The following LIN7B variants were observed in gnomAD, a reference collection of about 807,000 sequenced individuals.
The protein encoded by LIN7B is protein lin-7 homolog B.
A neutral mutation model predicts 27.9 loss-of-function variants in LIN7B; 16 were observed. The ratio of observed to expected loss-of-function variants is 0.57; its 90% CI spans 0.39 to 0.87. The LOEUF is 0.87. Ranked by LOEUF, LIN7B falls within the 40% of genes least tolerant of loss-of-function variation. The pLI is 0.00. For synonymous variants in LIN7B, 147 were observed against 120.8 expected, an observed-to-expected ratio of 1.22 and a Z score of -1.42; for missense variants, 291 against 288.5, an observed-to-expected ratio of 1.01 and a Z score of -0.06.
rs912474854 is a variant in LIN7B, at chr19:49,115,241, C to T, written c.157-19C>T. The T allele has an allele frequency of 5.8e-6, 9 of 1,546,282 alleles. No individual in the cohort carries two copies. Among genetic ancestry groups the T allele is most frequent in the Non-Finnish European group, 7.9e-6 (9 of 1,143,462 alleles). On this transcript the variant is annotated intron_variant, in intron 2 of 5. Coordinates refer to ENST00000221459, the MANE Select transcript of LIN7B (RefSeq NM_022165.3). ...TGGAGGAGCTGGCGACTCCCTGATG[C>T]CGCTGCCTCCTCACCCAGGTGTATG...
intron 2 of LIN7B, 27 bp downstream of exon 2, chr19:49,114,994 G>T: frequency 7.4e-7 from 1 of 1,348,068 alleles, no homozygotes. Flanking sequence ...GCAGGGGCGC[G>T]AGCTGGTGGC....
At chr19:49,118,074 G>T (rs768023773) in intron 5 of LIN7B, 56 bp downstream of exon 5, 2 of 1,600,500 alleles carry the variant, frequency 1.2e-6, no homozygotes, top group Non-Finnish European at 1.7e-6. Context: ...TTTAACCCCA[G>T]GCTCCCAAAC....
chr19:49,117,950 G>A lies in LIN7B; in HGVS notation c.534G>A (p.Leu178=), dbSNP rs2122474367. The A allele has an allele frequency of 6.2e-7, 1 of 1,614,118 alleles. No homozygotes were observed. Among genetic ancestry groups the A allele is most frequent in the Non-Finnish European group, 8.5e-7 (1 of 1,179,986 alleles). Residue 178 remains leucine (L), a synonymous_variant, in exon 5 of 6, where the codon CTG becomes CTA. Coordinates refer to ENST00000221459, the MANE Select transcript of LIN7B (RefSeq NM_022165.3). ...KLVVRYTPRV[L]EEMEARFEKM... is the part of the protein sequence containing the mutation. ...TTGTCCGTTACACACCGCGAGTGCT[G>A]GAGGAGATGGAGGCCCGGTTCGAGA...
intron 3 of LIN7B, 157 bp from the exon 4 acceptor site, chr19:49,116,106 G>A: frequency 1.6e-6 from 1 of 608,178 alleles, no homozygotes; most frequent in Non-Finnish European, 2.9e-6. Context: ...GAGACGCACA[G>A]TCATTACAGG....
chr19:49,118,034 A>T lies in LIN7B; in HGVS notation c.602+16A>T. On this transcript the variant is annotated intron_variant, in intron 5 of 5. Transcript: ENST00000221459. Reference sequence around the variant, plus strand: ...AGAGCTACTCGTGAGCCCCTGGGTCACCACACCCCTGGGGCCTCCACGGGC... The same window carrying T: ...AGAGCTACTCGTGAGCCCCTGGGTCTCCACACCCCTGGGGCCTCCACGGGC... 6.2e-7 allele frequency: 1 copy of T among 1,613,516 alleles called. No homozygotes were observed. Among genetic ancestry groups the T allele is most frequent in the Non-Finnish European group, 8.5e-7 (1 of 1,179,822 alleles).
Position 49,116,510 on chromosome 19 carries a change from C to T in LIN7B, c.438+38C>T, listed in dbSNP as rs764887238. On this transcript the variant is annotated intron_variant, in intron 4 of 5. Transcript: ENST00000221459. ...CTGAGGCAGGACTGGGGGACACAGTCTGTCTAACGTAGCATAGCCCCTGCT... is the reference window on the plus strand; with the variant it reads ...CTGAGGCAGGACTGGGGGACACAGTTTGTCTAACGTAGCATAGCCCCTGCT... 35 of 1,571,306 alleles carry T rather than the reference C, an allele frequency of 2.2e-5. No individual in the cohort carries two copies. In the South Asian group the frequency reaches 3.4e-4, roughly 15 times the overall value.
At position 49,117,885 on chromosome 19, in the gene LIN7B, G is replaced by A; in HGVS notation, c.469G>A (p.Val157Met). The A allele has an allele frequency of 6.2e-7, 1 of 1,613,300 alleles. No individual in the cohort carries two copies. Among genetic ancestry groups the A allele is most frequent in the Non-Finnish European group, 8.5e-7 (1 of 1,179,760 alleles). The part of the protein sequence containing the change: ...SVEGEQHEKA[V>M]ELLKAAQGSV... The stretch of plus-strand genomic sequence containing the variant: ...TGAGGGTGAGCAGCATGAGAAGGCG[G>A]TGGAGCTGCTGAAGGCGGCCCAGGG... The change falls in exon 5 of 6, where the codon GTG (valine) becomes ATG (methionine). Residue 157 changes from valine to methionine, a missense_variant. Transcript: ENST00000221459.
chr19:49,118,289 C>G, intron 5 of LIN7B, 63 bp from the exon 6 acceptor site: 1 of 1,582,352 alleles, frequency 6.3e-7, no homozygotes, highest in Non-Finnish European at 8.7e-7. Context: ...CAACCCCAGT[C>G]CTGCCCCTCT....
In LIN7B at chr19:49,116,450, A is replaced by G. The variant is rs780048362; in HGVS notation, c.416A>G (p.Gln139Arg). ...CATGGAGGCCTCAAGCGTGGGGATC[A>G]ACTGTTGTCGGTGAACGGTGTGGTG... ...DRHGGLKRGD[Q>R]LLSVNGVSVE... is the part of the protein sequence containing the mutation. Residue 139 changes from glutamine to arginine, a missense_variant, in exon 4 of 6, where the codon CAA becomes CGA. By Grantham distance (43) the Gln-to-Arg change is conservative. Coordinates refer to ENST00000221459, the MANE Select transcript of LIN7B (RefSeq NM_022165.3). The G allele has an allele frequency of 1.9e-6, 3 of 1,614,018 alleles. No individual in the cohort carries two copies. The African/African-American group carries it at 4.0e-5, about 22-fold the overall frequency.
chr19:49,118,342 C>G lies in LIN7B; in HGVS notation c.603-10C>G, dbSNP rs774631575. 5 of 1,614,174 alleles carry G rather than the reference C, an allele frequency of 3.1e-6. No homozygotes were observed. Among genetic ancestry groups the G allele is most frequent in the African/African-American group, 2.7e-5 (2 of 75,062 alleles). The stretch of plus-strand genomic sequence containing the variant: ...CCTGATCCCGGGTCCCTTGTCCACC[C>G]CCCTTGCAGGTCCTTGGAGTCTCGA... On this transcript the variant is annotated splice_polypyrimidine_tract_variant and intron_variant, in intron 5 of 5. Transcript: ENST00000221459.
chr19:49,114,661 G>A (rs1397378784), intron 1 of LIN7B, 188 bp from the exon 2 acceptor site: 3 of 451,740 alleles, frequency 6.6e-6, no homozygotes, highest in East Asian at 3.6e-5. Context: ...CTGTGGAGGG[G>A]TCCCGGGGCC....
chr19:49,116,833 A>G (rs1471513515), intron 4 of LIN7B, among the ~76,000 whole-genome samples: 5 of 152,216 alleles, frequency 3.3e-5, no homozygotes, highest in Non-Finnish European at 7.3e-5. Context: ...CCAGGCAAAC[A>G]AGGTACAGGG....
Position 49,114,439 on chromosome 19 carries a change from G to C in LIN7B, c.35G>C (p.Arg12Pro), listed in dbSNP as rs1222092345. ...AALVEPLGLE[R>P]DVSRAVELLE... ...CTGGTGGAGCCGCTGGGGCTGGAGC[G>C]GGGTAAGCGTGCGCCAGGGGGCCCT... Residue 12 changes from arginine to proline, a missense_variant and splice_region_variant, in exon 1 of 6, where the codon CGG becomes CCG. Transcript: ENST00000221459. 6 of 1,207,884 alleles carry C rather than the reference G, an allele frequency of 5.0e-6. No individual in the cohort carries two copies. Among genetic ancestry groups the C allele is most frequent in the Admixed American group, 4.4e-5 (1 of 22,792 alleles). 74.8% of individuals were successfully genotyped at this position (1,207,884 alleles called of 1,614,324 possible).
Position 49,115,273 on chromosome 19 carries a change from T to C in LIN7B, c.170T>C (p.Leu57Pro). 3.8e-6 allele frequency: 6 copies of C among 1,559,534 alleles called. No homozygotes were observed. Among genetic ancestry groups the C allele is most frequent in the Non-Finnish European group, 5.2e-6 (6 of 1,151,038 alleles). ...CTCCTCACCCAGGTGTATGAGCAGC[T>C]TTATGACACGCTGGACATCACCGGC... ...CSAIREVYEQ[L>P]YDTLDITGSA... The change falls in exon 3 of 6, where the codon CTT becomes CCT. Residue 57 changes from leucine (L) to proline (P), a missense_variant. By Grantham distance (98) the Leu-to-Pro change is moderately conservative. Transcript: ENST00000221459.
Position 49,116,429 on chromosome 19 carries a change from G to GAGGCCTCAAGCGTGGGGA in LIN7B, c.396_413dup (p.Gly137_Asp138insGluGlyLeuLysArgGly), listed in dbSNP as rs1233154301. 6.2e-7 allele frequency: 1 copy of GAGGCCTCAAGCGTGGGGA among 1,614,260 alleles called. No homozygotes were observed. Among genetic ancestry groups the GAGGCCTCAAGCGTGGGGA allele is most frequent in the African/African-American group, 1.3e-5 (1 of 75,070 alleles). On this transcript the variant is annotated inframe_insertion, in exon 4 of 6. Coordinates refer to ENST00000221459, the MANE Select transcript of LIN7B (RefSeq NM_022165.3). ...CCAGGGGGTGTGGCTGACCGCCATG[G>GAGGCCTCAAGCGTGGGGA]AGGCCTCAAGCGTGGGGATCAACTG...
At chr19:49,115,187 C>T (rs1600304885) in intron 2 of LIN7B, 73 bp from the exon 3 acceptor site, 4 of 1,366,120 alleles carry the variant, frequency 2.9e-6, no homozygotes, top group Non-Finnish European at 4.0e-6. Flanking sequence ...GGGAGAGGGT[C>T]TAGAGGCCTG....
At chr19:49,115,424 C>T in intron 3 of LIN7B, 93 bp downstream of exon 3, 7 of 1,178,864 alleles carry the variant, frequency 5.9e-6, no homozygotes, top group Non-Finnish European at 7.2e-6. Context: ...TTTCCTCCCT[C>T]ATGATTTTTG....
rs770713989 is a variant in LIN7B at position 49,116,266 on chromosome 19, A to C, written c.232A>C (p.Thr78Pro). The change falls in exon 4 of 6, where the codon ACA becomes CCA. Residue 78 changes from threonine (T) to proline (P), a missense_variant. Transcript: ENST00000221459. ...EIRAHATAKATVAAFTASEGH... is the reference protein window; with the variant it reads ...EIRAHATAKAPVAAFTASEGH... The stretch of plus-strand genomic sequence containing the variant: ...TCAGTCGCTTTCTCTCTCCCAGGCC[A>C]CAGTGGCTGCCTTCACAGCCAGCGA... 6.2e-7 allele frequency: 1 copy of C among 1,612,626 alleles called. No homozygotes were observed. Among genetic ancestry groups the C allele is most frequent in the Non-Finnish European group, 8.5e-7 (1 of 1,179,272 alleles).
chr19:49,115,255 C>G lies in LIN7B; in HGVS notation c.157-5C>G. 6.4e-7 allele frequency: 1 copy of G among 1,552,472 alleles called. No individual in the cohort carries two copies. The highest frequency in any genetic ancestry group is 8.7e-7 in the Non-Finnish European group (1 of 1,147,176). On this transcript the variant is annotated splice_region_variant and splice_polypyrimidine_tract_variant and intron_variant, in intron 2 of 5. Transcript: ENST00000221459. ...ACTCCCTGATGCCGCTGCCTCCTCACCCAGGTGTATGAGCAGCTTTATGAC... is the reference window on the plus strand; with the variant it reads ...ACTCCCTGATGCCGCTGCCTCCTCAGCCAGGTGTATGAGCAGCTTTATGAC...
Sources: gnomAD v4.1 joint callset for allele counts (sites outside exome capture counted in the v4.1 genomes callset) on GRCh38, gnomAD v4.1.1 for gene constraint, MANE v1.5 for transcripts, NCBI Gene and HGNC (gene_info 2026-07-23, HGNC 2026-07-21) for gene names.